Variants in CNTNAP4 observed in about 807,000 individuals in gnomAD.
CNTNAP4 encodes the protein contactin associated protein family member 4, also known as contactin-associated protein-like 4.
Under a neutral mutation model 148.4 loss-of-function variants are expected in CNTNAP4, and 98 were observed. That is an observed-to-expected ratio of 0.66 (90% CI 0.56 to 0.78). The LOEUF is 0.78. CNTNAP4 is among the 30% of genes least tolerant of loss of function. The pLI is 0.00. For synonymous variants in CNTNAP4, 730 were observed against 565.1 expected (o/e 1.29, Z -4.14); for missense variants, 1,935 against 1,565.6 (o/e 1.24, Z -3.98).
chr16:76,443,763 A>G (rs1452294706), intron 4 of CNTNAP4, among the ~76,000 whole-genome samples: 1 of 152,184 alleles, frequency 6.6e-6, no homozygotes, highest in African/African-American at 2.4e-5. Flanking sequence ...GATTAGTACA[A>G]TACAAAGACA....
At position 76,460,275 on chromosome 16, in the gene CNTNAP4, T is replaced by A. The variant is rs566787054; in HGVS notation, c.1334-1681T>A. Among the ~76,000 whole-genome samples the A allele has an allele frequency of 5.9e-5, 8 of 134,630 alleles. No homozygotes were observed. The South Asian group carries it at 1.3e-3, about 21-fold the overall frequency. The allele number at this position is 134,630 out of a possible 152,430, so 88.3% of individuals were successfully genotyped here. A position where few individuals can be genotyped will look rare whatever the true frequency, so the allele number is the denominator to read the frequency against. ...GGCATGTGCCATCACGCCTGGCTAATTTTTTGTATTTTTGGTAGAGATAGG... is the reference window on the plus strand; with the variant it reads ...GGCATGTGCCATCACGCCTGGCTAAATTTTTGTATTTTTGGTAGAGATAGG... On this transcript the variant is annotated intron_variant, in intron 8 of 23. Coordinates refer to ENST00000611870, the MANE Select transcript of CNTNAP4 (RefSeq NM_033401.5).
chr16:76,479,313 G>T (rs1158372706), intron 11 of CNTNAP4, 106 bp from the exon 12 acceptor site: 4 of 1,011,556 alleles, frequency 4.0e-6, no homozygotes, highest in Non-Finnish European at 5.6e-6. Context: ...CTCCTGGTCA[G>T]TAATGTACAT....
chr16:76,285,934 A>G (rs1407037451), intron 1 of CNTNAP4, among the ~76,000 whole-genome samples: 1 of 151,928 alleles, frequency 6.6e-6, no homozygotes, highest in East Asian at 1.9e-4. Flanking sequence ...TGCCTTTGCT[A>G]TACCAGGCCC....
chr16:76,441,562 A>G lies in CNTNAP4; in HGVS notation c.539-6450A>G, dbSNP rs16944435. On this transcript the variant is annotated intron_variant, in intron 4 of 23. Coordinates refer to ENST00000611870, the MANE Select transcript of CNTNAP4 (RefSeq NM_033401.5). Reference sequence around the variant, plus strand: ...GTATTCACTGAGGGGGAATCAGGTCACCAGCAATTGCTGTGGTAAGTCAGC... The same window carrying G: ...GTATTCACTGAGGGGGAATCAGGTCGCCAGCAATTGCTGTGGTAAGTCAGC... Among the ~76,000 whole-genome samples, 1,024 of 152,246 alleles carry G rather than the reference A, an allele frequency of 6.7e-3. 3 individuals are homozygous for G. Among genetic ancestry groups the G allele is most frequent in the African/African-American group, 0.024 (979 of 41,564 alleles).
chr16:76,300,425 G>T (rs1165599522), intron 1 of CNTNAP4, among the ~76,000 whole-genome samples: 1 of 152,018 alleles, frequency 6.6e-6, no homozygotes, highest in Admixed American at 6.6e-5. Context: ...GGGAGAGATA[G>T]CATTAGGAGA....
chr16:76,285,176 T>C (rs754727683), intron 1 of CNTNAP4, among the ~76,000 whole-genome samples: 1 of 151,902 alleles, frequency 6.6e-6, no homozygotes, highest in African/African-American at 2.4e-5. Context: ...TTCCCCTCCT[T>C]CCAGTGAATT....
chr16:76,476,863 G>A (rs72799007), intron 11 of CNTNAP4, among the ~76,000 whole-genome samples: 14,773 of 152,130 alleles, frequency 0.097, 875 homozygotes, highest in South Asian at 0.2. Flanking sequence ...AGTCTATTGC[G>A]CTAGATAATT....
chr16:76,441,731 A>C (rs2080049929), intron 4 of CNTNAP4, among the ~76,000 whole-genome samples: 1 of 152,176 alleles, frequency 6.6e-6, no homozygotes, highest in African/African-American at 2.4e-5. Context: ...AAAGAGTCAC[A>C]AATACACCAA....
intron 9 of CNTNAP4, among the ~76,000 whole-genome samples, chr16:76,463,451 G>A (rs1485977098): frequency 6.6e-6 from 1 of 152,108 alleles, no homozygotes; most frequent in African/African-American, 2.4e-5. Flanking sequence ...ATTGCTTTTA[G>A]TCATACTGTA....
intron 4 of CNTNAP4, among the ~76,000 whole-genome samples, chr16:76,428,642 G>A (rs535282933): frequency 6.6e-6 from 1 of 151,918 alleles, no homozygotes; most frequent in South Asian, 2.1e-4. Flanking sequence ...CCTGTATTTT[G>A]TGATGTTTTC....
intron 9 of CNTNAP4, 37 bp from the exon 10 acceptor site, chr16:76,467,315 A>C (rs1229678077): frequency 1.3e-6 from 2 of 1,586,112 alleles, no homozygotes; most frequent in South Asian, 2.2e-5. Flanking sequence ...ATTCTGATTC[A>C]TTGTGATGCG....
At chr16:76,309,064 G>C (rs551370844) in intron 1 of CNTNAP4, among the ~76,000 whole-genome samples, 57 of 151,806 alleles carry the variant, frequency 3.8e-4, no homozygotes, top group African/African-American at 1.3e-3. Context: ...CCTTGGCCTT[G>C]AAAGTGCTGG....
intron 3 of CNTNAP4, among the ~76,000 whole-genome samples, chr16:76,370,503 T>C (rs142383592): frequency 4.7e-4 from 71 of 152,304 alleles, no homozygotes; most frequent in African/African-American, 1.6e-3. Context: ...AGAAATACCC[T>C]GGTTCCTCCC....
intron 1 of CNTNAP4, among the ~76,000 whole-genome samples, chr16:76,295,463 C>T (rs901918857): frequency 6.6e-6 from 1 of 152,050 alleles, no homozygotes; most frequent in Non-Finnish European, 1.5e-5. Context: ...ACTTAAAATT[C>T]TCAGGAGGGT....
At chr16:76,517,418 A>C (rs1243948380) in intron 15 of CNTNAP4, among the ~76,000 whole-genome samples, 1 of 152,226 alleles carries the variant, frequency 6.6e-6, no homozygotes, top group African/African-American at 2.4e-5. Flanking sequence ...GAATCTACAA[A>C]CATTTGGAAA....
intron 3 of CNTNAP4, among the ~76,000 whole-genome samples, chr16:76,377,832 T>C (rs889699841): frequency 2.0e-5 from 3 of 152,238 alleles, no homozygotes; most frequent in African/African-American, 7.2e-5. Context: ...AAATATAGCA[T>C]GTGGGAAAAG....
chr16:76,423,900 C>A (rs1044626296), intron 3 of CNTNAP4, among the ~76,000 whole-genome samples: 1 of 152,090 alleles, frequency 6.6e-6, no homozygotes, highest in Non-Finnish European at 1.5e-5. Flanking sequence ...TATGGCTATA[C>A]ACTCTTCCTA....
At chr16:76,298,029 A>G (rs1959497807) in intron 1 of CNTNAP4, among the ~76,000 whole-genome samples, 1 of 152,086 alleles carries the variant, frequency 6.6e-6, no homozygotes. Context: ...GTCTCTTCAC[A>G]TAGTCACAAA....
chr16:76,505,902 A>G lies in CNTNAP4; in HGVS notation c.2365+7208A>G. On this transcript the variant is annotated intron_variant, in intron 15 of 23. Transcript: ENST00000611870. ...GCAGCAGAGTGAGACCTTGTCTCTT[A>G]CAAAACAAAATTGGGTCATCAAAAC... is the stretch of plus-strand genomic sequence containing the variant. 2.1e-5 allele frequency among the ~76,000 whole-genome samples: 2 copies of G among 96,846 alleles called. 1 individual carries two copies. The allele number at this position is 96,846 out of a possible 152,430, so 63.5% of individuals were successfully genotyped here. A position where few individuals can be genotyped will look rare whatever the true frequency, so the allele number is the denominator to read the frequency against.
Sources: allele counts gnomAD v4.1 joint callset (sites outside exome capture counted in the v4.1 genomes callset), GRCh38; gene constraint gnomAD v4.1.1; transcripts MANE v1.5; gene names NCBI Gene and HGNC (gene_info 2026-07-23, HGNC 2026-07-21).